Variants in PIGL observed in about 807,000 individuals in gnomAD.
PIGL encodes the protein phosphatidylinositol glycan anchor biosynthesis class L.
PIGL carries 22 observed loss-of-function variants against 31.1 expected under a neutral mutation model. The ratio of observed to expected loss-of-function variants is 0.71; its 90% CI spans 0.51 to 1.01. The LOEUF (loss-of-function observed/expected upper bound fraction) is 1.01, where lower values mean the gene tolerates loss of function less well. Among genes scored for constraint, PIGL ranks in the 50% least tolerant of loss-of-function variants. The probability of loss-of-function intolerance (pLI) is 0.00; values close to 1 mark genes in which losing one functional copy is unlikely to be tolerated. For synonymous variants in PIGL, 131 were observed against 117.4 expected (o/e 1.12, Z -0.75); for missense variants, 302 against 315.9 (o/e 0.96, Z 0.33).
At chr17:16,254,301 T>G (rs2092784430) in intron 2 of PIGL, among the ~76,000 whole-genome samples, 1 of 152,134 alleles carries the variant, frequency 6.6e-6, no homozygotes, top group Non-Finnish European at 1.5e-5. Flanking sequence ...AGAGTTTCGT[T>G]CTTATTGCCT....
At chr17:16,277,640 C>T (rs1289168000) in intron 2 of PIGL, among the ~76,000 whole-genome samples, 1 of 152,128 alleles carries the variant, frequency 6.6e-6, no homozygotes, top group African/African-American at 2.4e-5. Flanking sequence ...ATTTTAATGT[C>T]ACAATTTACA....
intron 6 of PIGL, among the ~76,000 whole-genome samples, chr17:16,321,197 C>T (rs1215811186): frequency 6.6e-6 from 1 of 150,986 alleles, no homozygotes; most frequent in Non-Finnish European, 1.5e-5. Context: ...CTCTGCTTCC[C>T]AAAGTGCTGG....
chr17:16,300,818 C>T (rs2093001573), intron 3 of PIGL, among the ~76,000 whole-genome samples: 1 of 152,050 alleles, frequency 6.6e-6, no homozygotes, highest in African/African-American at 2.4e-5. Flanking sequence ...TTCCAAAAAA[C>T]ATGAGAATGC....
chr17:16,263,125 A>T (rs570553317), intron 2 of PIGL, among the ~76,000 whole-genome samples: 1 of 150,796 alleles, frequency 6.6e-6, no homozygotes, highest in South Asian at 2.1e-4. Flanking sequence ...TCTAGATTTG[A>T]TAATTGATTG....
intron 3 of PIGL, among the ~76,000 whole-genome samples, chr17:16,302,981 G>T (rs541818472): frequency 7.9e-5 from 12 of 152,238 alleles, no homozygotes; most frequent in Admixed American, 1.3e-4. Context: ...AACAACGTTG[G>T]TCTTTGCCGA....
intron 2 of PIGL, among the ~76,000 whole-genome samples, chr17:16,256,953 G>A (rs954320540): frequency 7.2e-5 from 11 of 151,994 alleles, no homozygotes; most frequent in Non-Finnish European, 1.2e-4. Context: ...CTCCTAAAGT[G>A]CTAGGATTGC....
intron 3 of PIGL, among the ~76,000 whole-genome samples, chr17:16,312,017 C>T (rs1462279771): frequency 1.2e-4 from 18 of 152,160 alleles, no homozygotes; most frequent in African/African-American, 4.1e-4. Context: ...GGGCTCCTCA[C>T]TTCCCAGACG....
chr17:16,286,267 A>G (rs542477304), intron 2 of PIGL, among the ~76,000 whole-genome samples: 5 of 152,200 alleles, frequency 3.3e-5, no homozygotes, highest in Admixed American at 6.5e-5. Context: ...CTGTTACCCA[A>G]CCCTGCTTGA....
At chr17:16,259,330 G>A (rs1015351339) in intron 2 of PIGL, among the ~76,000 whole-genome samples, 8 of 144,108 alleles carry the variant, frequency 5.6e-5, no homozygotes, top group African/African-American at 2.1e-4. Flanking sequence ...ATAGTCAATT[G>A]ATTTTCAACA....
At chr17:16,241,799 C>CT (rs1317053233) in intron 2 of PIGL, among the ~76,000 whole-genome samples, 2 of 151,946 alleles carry the variant, frequency 1.3e-5, no homozygotes, top group African/African-American at 4.8e-5. Context: ...TGGTACCCTG[C>CT]TTTTTTTACT....
At chr17:16,319,809 T>C (rs1189421392) in intron 6 of PIGL, among the ~76,000 whole-genome samples, 4 of 142,788 alleles carry the variant, frequency 2.8e-5, no homozygotes. Context: ...ACATGCAGGG[T>C]GAGGAAGAGC....
chr17:16,259,669 G>T (rs2092811251), intron 2 of PIGL, among the ~76,000 whole-genome samples: 1 of 152,210 alleles, frequency 6.6e-6, no homozygotes, highest in Non-Finnish European at 1.5e-5. Flanking sequence ...ATTTGCTGAT[G>T]ATTTTGATGG....
intron 4 of PIGL, among the ~76,000 whole-genome samples, chr17:16,314,681 C>T (rs931548813): frequency 6.6e-6 from 1 of 152,192 alleles, no homozygotes; most frequent in Non-Finnish European, 1.5e-5. Context: ...GGTTCCTGGT[C>T]CAGCCAGCAG....
intron 1 of PIGL, among the ~76,000 whole-genome samples, chr17:16,224,592 C>T (rs1361419946): frequency 6.7e-6 from 1 of 149,680 alleles, no homozygotes; most frequent in Non-Finnish European, 1.5e-5. Context: ...ACAGGATGAG[C>T]CACCATGCCC....
At chr17:16,303,528 T>C (rs1249877161) in intron 3 of PIGL, among the ~76,000 whole-genome samples, 2 of 151,894 alleles carry the variant, frequency 1.3e-5, no homozygotes, top group East Asian at 3.9e-4. Flanking sequence ...AGCTCCTTAC[T>C]AATAAATTTC....
chr17:16,247,446 A>G (rs769119220), intron 2 of PIGL, among the ~76,000 whole-genome samples: 11 of 152,222 alleles, frequency 7.2e-5, no homozygotes, highest in Non-Finnish European at 1.2e-4. Flanking sequence ...TTTACAAAAT[A>G]TAAGGAATGG....
At chr17:16,235,579 T>G (rs2142683687) in intron 2 of PIGL, among the ~76,000 whole-genome samples, 1 of 151,680 alleles carries the variant, frequency 6.6e-6, no homozygotes, top group South Asian at 2.1e-4. Flanking sequence ...CCCAAGTAGT[T>G]GAGATTACAG....
intron 2 of PIGL, among the ~76,000 whole-genome samples, chr17:16,248,452 T>G (rs1264714105): frequency 6.6e-6 from 1 of 152,160 alleles, no homozygotes; most frequent in Non-Finnish European, 1.5e-5. Flanking sequence ...TTTATAATAG[T>G]GATCACCTTT....
At chr17:16,306,559 C>T (rs558906406) in intron 3 of PIGL, among the ~76,000 whole-genome samples, 1 of 144,342 alleles carries the variant, frequency 6.9e-6, no homozygotes, top group South Asian at 2.2e-4. Context: ...ATAGAGTTTC[C>T]CTCTTGTTGG....
Sources: allele counts gnomAD v4.1 joint callset (sites outside exome capture counted in the v4.1 genomes callset), GRCh38; gene constraint gnomAD v4.1.1; transcripts MANE v1.5; gene names NCBI Gene and HGNC (gene_info 2026-07-23, HGNC 2026-07-21).